Variants in RABGAP1L observed in about 807,000 individuals in gnomAD.
The protein encoded by RABGAP1L is RAB GTPase activating protein 1 like.
Under a neutral mutation model 137.7 loss-of-function variants are expected in RABGAP1L, and 63 were observed. That is an observed-to-expected ratio of 0.46 (90% CI 0.37 to 0.56). RABGAP1L has a LOEUF of 0.56. Among genes scored for constraint, RABGAP1L ranks in the 20% least tolerant of loss-of-function variants. The pLI, the probability that RABGAP1L is intolerant of heterozygous loss-of-function variation, is 0.00. For missense variants in RABGAP1L, 1,095 were observed against 1,244.0 expected (o/e 0.88, Z 1.80); for synonymous variants, 431 against 433.7 (o/e 0.99, Z 0.08).
chr1:174,352,108 G>A (rs759531845), intron 11 of RABGAP1L, among the ~76,000 whole-genome samples: 5 of 152,102 alleles, frequency 3.3e-5, no homozygotes, highest in African/African-American at 4.8e-5. Flanking sequence ...ACGCCCGGCC[G>A]GGAAGTACTC....
chr1:174,726,478 A>G (rs1293845306), intron 17 of RABGAP1L, among the ~76,000 whole-genome samples: 1 of 151,658 alleles, frequency 6.6e-6, no homozygotes, highest in African/African-American at 2.4e-5. Context: ...TGTTTTTGTT[A>G]TCAGCAAGGT....
At chr1:174,903,653 G>A (rs1307680075) in intron 19 of RABGAP1L, among the ~76,000 whole-genome samples, 2 of 135,626 alleles carry the variant, frequency 1.5e-5, no homozygotes, top group Non-Finnish European at 3.1e-5. Flanking sequence ...GTTAAGAAGT[G>A]GATAAAAAAA....
intron 18 of RABGAP1L, among the ~76,000 whole-genome samples, chr1:174,770,129 C>T (rs1686002581): frequency 6.6e-6 from 1 of 152,150 alleles, no homozygotes; most frequent in African/African-American, 2.4e-5. Flanking sequence ...TTGTAACTTT[C>T]ATGAAGGAAT....
At chr1:174,685,221 G>A (rs931849030) in intron 15 of RABGAP1L, among the ~76,000 whole-genome samples, 1 of 152,068 alleles carries the variant, frequency 6.6e-6, no homozygotes, top group Non-Finnish European at 1.5e-5. Flanking sequence ...GAAGGAAAAA[G>A]TTTAGGAGTT....
At chr1:174,988,503 C>T (rs963883679) in intron 24 of RABGAP1L, 138 bp from the exon 25 acceptor site, 4 of 774,840 alleles carry the variant, frequency 5.2e-6, no homozygotes, top group Non-Finnish European at 7.5e-6. Context: ...GATTGCAGCA[C>T]AAGAAAAATA....
At chr1:174,961,692 A>G (rs1006900964) in intron 20 of RABGAP1L, among the ~76,000 whole-genome samples, 1 of 151,832 alleles carries the variant, frequency 6.6e-6, no homozygotes, top group Non-Finnish European at 1.5e-5. Flanking sequence ...TAAAAAATAT[A>G]AAAATTAGCT....
chr1:174,956,543 T>C (rs1438118913), intron 19 of RABGAP1L, among the ~76,000 whole-genome samples: 1 of 152,186 alleles, frequency 6.6e-6, no homozygotes, highest in African/African-American at 2.4e-5. Flanking sequence ...CTTTCTATTA[T>C]CTCATACAGC....
At chr1:174,864,958 C>A (rs1650944076) in intron 19 of RABGAP1L, among the ~76,000 whole-genome samples, 1 of 152,000 alleles carries the variant, frequency 6.6e-6, no homozygotes, top group Non-Finnish European at 1.5e-5. Context: ...CTCTACAAAA[C>A]CTACAAAAAT....
chr1:174,193,761 A>G (rs1440268563), intron 1 of RABGAP1L, among the ~76,000 whole-genome samples: 1 of 152,204 alleles, frequency 6.6e-6, no homozygotes, highest in Non-Finnish European at 1.5e-5. Context: ...GAGTATTAAT[A>G]GGGGTCAACT....
intron 13 of RABGAP1L, among the ~76,000 whole-genome samples, chr1:174,598,285 A>T (rs1434486573): frequency 6.8e-6 from 1 of 147,680 alleles, no homozygotes; most frequent in Non-Finnish European, 1.5e-5. Context: ...CCGAGATCGC[A>T]TCACTGCACT....
chr1:174,442,439 A>G lies in RABGAP1L; in HGVS notation c.1710+48294A>G, dbSNP rs142015345. 3.7e-3 allele frequency among the ~76,000 whole-genome samples: 559 copies of G among 152,248 alleles called. 4 individuals carry two copies. The highest frequency in any genetic ancestry group is 0.012 in the African/African-American group (481 of 41,564). ...TCTCATTTCTGGTAATGAGAAATAC[A>G]CTTTCTGTTCTATATTCACCTAAAC... On this transcript the variant is annotated intron_variant, in intron 13 of 25. Coordinates refer to ENST00000681986, the MANE Select transcript of RABGAP1L (RefSeq NM_001366446.1).
At chr1:174,224,305 G>A (rs1669996670) in intron 3 of RABGAP1L, among the ~76,000 whole-genome samples, 1 of 151,982 alleles carries the variant, frequency 6.6e-6, no homozygotes, top group Non-Finnish European at 1.5e-5. Flanking sequence ...GTGACACCCG[G>A]TGTCTACTAA....
chr1:174,887,121 G>T (rs1417992433), intron 19 of RABGAP1L, among the ~76,000 whole-genome samples: 4 of 152,058 alleles, frequency 2.6e-5, no homozygotes, highest in Non-Finnish European at 5.9e-5. Flanking sequence ...TTTGGCTTTT[G>T]TCCATGTTCC....
intron 13 of RABGAP1L, among the ~76,000 whole-genome samples, chr1:174,601,235 CT>C (rs779395442): frequency 1.1e-4 from 17 of 152,188 alleles, no homozygotes; most frequent in Non-Finnish European, 2.4e-4. Flanking sequence ...CACAAAACTA[CT>C]TTTTCCTCCG....
intron 18 of RABGAP1L, among the ~76,000 whole-genome samples, chr1:174,766,296 G>T (rs1214899948): frequency 6.6e-6 from 1 of 152,128 alleles, no homozygotes; most frequent in Non-Finnish European, 1.5e-5. Flanking sequence ...ATACACTAGG[G>T]GTACACCTTC....
chr1:174,283,088 T>C (rs1675718321), intron 10 of RABGAP1L, among the ~76,000 whole-genome samples: 1 of 152,174 alleles, frequency 6.6e-6, no homozygotes, highest in African/African-American at 2.4e-5. Context: ...ATTTTAGGAT[T>C]AGTTTGTCAG....
chr1:174,677,015 C>T (rs1190896297), intron 14 of RABGAP1L, among the ~76,000 whole-genome samples: 1 of 152,106 alleles, frequency 6.6e-6, no homozygotes, highest in Non-Finnish European at 1.5e-5. Context: ...ATTTGTCCCA[C>T]TTACGGCATA....
chr1:174,380,405 A>G (rs1571514900), intron 12 of RABGAP1L, among the ~76,000 whole-genome samples: 2 of 151,542 alleles, frequency 1.3e-5, no homozygotes, highest in African/African-American at 4.8e-5. Flanking sequence ...TCGGCTGTGA[A>G]TCCATCTGGT....
chr1:174,215,472 ATAAT>A (rs201534008), intron 1 of RABGAP1L, among the ~76,000 whole-genome samples: 42 of 127,446 alleles, frequency 3.3e-4, no homozygotes, highest in African/African-American at 4.8e-4. Flanking sequence ...AAAAAAAATA[ATAAT>A]AATAAAATAA....
Sources: allele counts gnomAD v4.1 joint callset (sites outside exome capture counted in the v4.1 genomes callset), GRCh38; gene constraint gnomAD v4.1.1; transcripts MANE v1.5; gene names NCBI Gene and HGNC (gene_info 2026-07-23, HGNC 2026-07-21).